The following STARD13 variants were observed in gnomAD, a reference collection of about 807,000 sequenced individuals.
The protein encoded by STARD13 is StAR related lipid transfer domain containing 13, also known as stAR-related lipid transfer protein 13.
In STARD13, 62 loss-of-function variants were observed where a neutral mutation model predicts 106.4. That is an observed-to-expected ratio of 0.58 (90% CI 0.48 to 0.72). The LOEUF is 0.72. Ranked by LOEUF, STARD13 falls within the 30% of genes least tolerant of loss-of-function variation. The probability of loss-of-function intolerance (pLI) is 0.00; values close to 1 mark genes in which losing one functional copy is unlikely to be tolerated. For missense variants in STARD13, 1,387 were observed against 1,424.0 expected (o/e 0.97, Z 0.42); for synonymous variants, 565 against 553.0 (o/e 1.02, Z -0.31).
intron 1 of STARD13, among the ~76,000 whole-genome samples, chr13:33,261,728 T>C (rs938438290): frequency 4.6e-5 from 7 of 152,176 alleles, no homozygotes; most frequent in African/African-American, 1.7e-4. Context: ...AAGGGAAAGA[T>C]ACAAAACATT....
At chr13:33,533,822 A>G in the STARD13 span, among the ~76,000 whole-genome samples, 28 of 152,350 alleles carry the variant, frequency 1.8e-4, no homozygotes, top group Non-Finnish European at 3.2e-4. Context: ...ATAAAGCTCT[A>G]GGCACATGTT....
Position 33,129,799 on chromosome 13 carries a change from T to A in STARD13, c.878A>T (p.Gln293Leu), listed in dbSNP as rs776481656. 1.2e-6 allele frequency: 2 copies of A among 1,613,784 alleles called. No individual in the cohort carries two copies. The highest frequency in any genetic ancestry group is 1.1e-5 in the South Asian group (1 of 91,088). The change falls in exon 5 of 14, where the codon CAG becomes CTG. Residue 293 changes from glutamine to leucine, a missense_variant. Transcript: ENST00000336934. ...GLVISGPMLQ[Q>L]EPESFKAMQC... ...CATAGCCTTAAAGGACTCTGGCTCCTGCTGCAACATGGGCCCACTGATCAC... is the reference window on the plus strand; with the variant it reads ...CATAGCCTTAAAGGACTCTGGCTCCAGCTGCAACATGGGCCCACTGATCAC...
intron 1 of STARD13, among the ~76,000 whole-genome samples, chr13:33,196,529 T>C (rs1028585176): frequency 6.6e-6 from 1 of 152,066 alleles, no homozygotes; most frequent in African/African-American, 2.4e-5. Context: ...GGGTGGCGAT[T>C]GTATAGTAGA....
At chr13:33,625,147 G>A in the STARD13 span, among the ~76,000 whole-genome samples, 2 of 152,166 alleles carry the variant, frequency 1.3e-5, no homozygotes, top group Non-Finnish European at 2.9e-5. Flanking sequence ...GAGTGGAGGA[G>A]GGGTAGGGTC....
At chr13:33,548,776 C>T in the STARD13 span, among the ~76,000 whole-genome samples, 1 of 151,692 alleles carries the variant, frequency 6.6e-6, no homozygotes, top group Admixed American at 6.6e-5. Context: ...CTGCAATGCC[C>T]TGAATATAGT....
At chr13:33,488,440 A>G in the STARD13 span, among the ~76,000 whole-genome samples, 11,392 of 152,288 alleles carry the variant, frequency 0.075, 1,102 homozygotes, top group African/African-American at 0.23. Flanking sequence ...AAAATCAACA[A>G]TCAAACCCAA....
chr13:33,118,051 T>A lies in STARD13; in HGVS notation c.2281+14A>T. On this transcript the variant is annotated intron_variant, in intron 8 of 13. Coordinates refer to ENST00000336934, the MANE Select transcript of STARD13 (RefSeq NM_178006.4). ...GATGCCCACGAGAACACCAATCTCA[T>A]TATTTCCACTTACACTGATAGATAT... 6.2e-7 allele frequency: 1 copy of A among 1,613,720 alleles called. No homozygotes were observed. The highest frequency in any genetic ancestry group is 8.5e-7 in the Non-Finnish European group (1 of 1,179,658).
the STARD13 span, among the ~76,000 whole-genome samples, chr13:33,542,158 T>C: frequency 1.3e-5 from 2 of 151,008 alleles, no homozygotes; most frequent in African/African-American, 4.8e-5. Context: ...GAGTAGTCTA[T>C]TTGTTTGCGT....
intron 1 of STARD13, among the ~76,000 whole-genome samples, chr13:33,225,984 A>G (rs1467401621): frequency 6.6e-6 from 1 of 152,188 alleles, no homozygotes; most frequent in Non-Finnish European, 1.5e-5. Flanking sequence ...TAGATGAGGT[A>G]GGGCCCTCAT....
At chr13:33,212,977 G>A (rs535123730) in intron 1 of STARD13, among the ~76,000 whole-genome samples, 3 of 152,096 alleles carry the variant, frequency 2.0e-5, no homozygotes, top group Non-Finnish European at 2.9e-5. Flanking sequence ...TCTCTGCTAC[G>A]TTCTTGTTTT....
chr13:33,365,562 A>G, the STARD13 span, among the ~76,000 whole-genome samples: 1 of 152,214 alleles, frequency 6.6e-6, no homozygotes, highest in Non-Finnish European at 1.5e-5. Flanking sequence ...CTTAGGTAGT[A>G]GCAGCCAAGA....
the STARD13 span, among the ~76,000 whole-genome samples, chr13:33,488,084 C>T: frequency 6.6e-6 from 1 of 152,146 alleles, no homozygotes; most frequent in Non-Finnish European, 1.5e-5. Context: ...GGTCACTGAG[C>T]CTTCCCCTCT....
At chr13:33,236,452 T>G (rs1055643344) in intron 1 of STARD13, among the ~76,000 whole-genome samples, 10 of 152,242 alleles carry the variant, frequency 6.6e-5, no homozygotes, top group Non-Finnish European at 1.5e-4. Flanking sequence ...CTGTGCTGAA[T>G]AGCAGACCTC....
rs543984313 is a variant in STARD13 at position 33,200,457 on chromosome 13, G to C, written c.170-32835C>G. The stretch of plus-strand genomic sequence containing the variant: ...CGAGACCACTTCAAGGTACTCTCCG[G>C]TCATTAACACTTAAGTTCCCTGTAG... On this transcript the variant is annotated intron_variant, in intron 1 of 13. Coordinates refer to ENST00000336934, the MANE Select transcript of STARD13 (RefSeq NM_178006.4). Among the ~76,000 whole-genome samples, 27 of 152,290 alleles carry C rather than the reference G, an allele frequency of 1.8e-4. No individual in the cohort carries two copies. The South Asian group carries it at 2.9e-3, about 16-fold the overall frequency.
At chr13:33,382,506 T>C in the STARD13 span, among the ~76,000 whole-genome samples, 1 of 152,332 alleles carries the variant, frequency 6.6e-6, no homozygotes, top group East Asian at 1.9e-4. Flanking sequence ...CTGTTGGTCC[T>C]TTCAGTAGGC....
chr13:33,491,996 G>A, the STARD13 span, among the ~76,000 whole-genome samples: 3 of 152,144 alleles, frequency 2.0e-5, no homozygotes, highest in Non-Finnish European at 4.4e-5. Context: ...CCGTTTTATA[G>A]GATTTGGGTA....
At chr13:33,378,891 C>G in the STARD13 span, among the ~76,000 whole-genome samples, 53 of 152,016 alleles carry the variant, frequency 3.5e-4, no homozygotes, top group Non-Finnish European at 6.9e-4. Flanking sequence ...AGGCAGATAG[C>G]TTGAGCCCAG....
chr13:33,110,973 C>A, intron 10 of STARD13, 66 bp from the exon 11 acceptor site: 2 of 1,438,430 alleles, frequency 1.4e-6, no homozygotes, highest in South Asian at 1.2e-5. Flanking sequence ...TCAAAGAAAG[C>A]AAAGCCATTT....
At chr13:33,579,563 C>T in the STARD13 span, among the ~76,000 whole-genome samples, 2 of 151,702 alleles carry the variant, frequency 1.3e-5, no homozygotes, top group Admixed American at 6.6e-5. Flanking sequence ...GCACTAAAAT[C>T]TCAGATTGCA....
Sources: allele counts gnomAD v4.1 joint callset (sites outside exome capture counted in the v4.1 genomes callset), GRCh38; gene constraint gnomAD v4.1.1; transcripts MANE v1.5; gene names NCBI Gene and HGNC (gene_info 2026-07-23, HGNC 2026-07-21).